CORO2B: variants seen among roughly 807,000 people sequenced by gnomAD.
The protein encoded by CORO2B is coronin-2B.
A neutral mutation model predicts 58.8 loss-of-function variants in CORO2B; 26 were observed. The observed-to-expected ratio is 0.44, with a 90% CI of 0.32 to 0.61. The LOEUF (loss-of-function observed/expected upper bound fraction) is 0.61, where lower values mean the gene tolerates loss of function less well. CORO2B is among the 20% of genes least tolerant of loss of function. The probability of loss-of-function intolerance (pLI) is 0.04; values close to 1 mark genes in which losing one functional copy is unlikely to be tolerated. For synonymous variants in CORO2B, 242 were observed against 253.8 expected (o/e 0.95, Z 0.44); for missense variants, 460 against 645.1 (o/e 0.71, Z 3.11).
At chr15:68,679,054 C>G (rs1269784353) in intron 2 of CORO2B, among the ~76,000 whole-genome samples, 2 of 152,236 alleles carry the variant, frequency 1.3e-5, no homozygotes, top group Non-Finnish European at 1.5e-5. Flanking sequence ...ATATCACCTG[C>G]TTCTCACTCG....
At chr15:68,690,737 C>T (rs557321981) in intron 2 of CORO2B, among the ~76,000 whole-genome samples, 1 of 149,528 alleles carries the variant, frequency 6.7e-6, no homozygotes, top group Non-Finnish European at 1.5e-5. Context: ...GCAGCCTAGG[C>T]CTCCTGGGCT....
intron 2 of CORO2B, among the ~76,000 whole-genome samples, chr15:68,677,708 A>C (rs577531661): frequency 7.0e-4 from 106 of 152,266 alleles, no homozygotes; most frequent in African/African-American, 2.5e-3. Context: ...GCCCCTGTCC[A>C]TTCTGCAGAT....
the CORO2B span, among the ~76,000 whole-genome samples, chr15:68,563,070 A>G: frequency 2.0e-5 from 3 of 152,104 alleles, no homozygotes; most frequent in Non-Finnish European, 4.4e-5. Flanking sequence ...GGAAATATAA[A>G]GCTATAAATT....
chr15:68,597,787 C>T (rs908352610), intron 1 of CORO2B, among the ~76,000 whole-genome samples: 2 of 152,208 alleles, frequency 1.3e-5, no homozygotes, highest in African/African-American at 4.8e-5. Flanking sequence ...CCTTGTCCCT[C>T]TCCCAGTGGC....
Position 68,579,216 on chromosome 15 carries a change from C to T in CORO2B, c.-47C>T, listed in dbSNP as rs1566976612. 1 of 1,054,558 alleles carries T rather than the reference C, an allele frequency of 9.5e-7. No individual in the cohort carries two copies. Among genetic ancestry groups the T allele is most frequent in the East Asian group, 7.2e-5 (1 of 13,976 alleles). The allele number at this position is 1,054,558 out of a possible 1,614,324, so 65.3% of individuals were successfully genotyped here. On this transcript the variant is annotated 5_prime_UTR_variant, in exon 1 of 12. Transcript: ENST00000261861. ...CCGCCGCCCCGGGCCGCCGCCGCCG[C>T]CCCCGCACGCCGCGCCCGCGCCCCC... is the stretch of plus-strand genomic sequence containing the variant.
chr15:68,683,578 C>A (rs1902864768), intron 2 of CORO2B, among the ~76,000 whole-genome samples: 1 of 152,194 alleles, frequency 6.6e-6, no homozygotes, highest in African/African-American at 2.4e-5. Flanking sequence ...CCTCCCCCCA[C>A]TGTAGGATAT....
the CORO2B span, among the ~76,000 whole-genome samples, chr15:68,524,226 A>G: frequency 2.0e-5 from 3 of 152,200 alleles, no homozygotes; most frequent in Non-Finnish European, 4.4e-5. Flanking sequence ...TCTCAAAAAA[A>G]AAGAAAAGAA....
At chr15:68,551,890 C>T in the CORO2B span, among the ~76,000 whole-genome samples, 1 of 151,926 alleles carries the variant, frequency 6.6e-6, no homozygotes, top group Non-Finnish European at 1.5e-5. Flanking sequence ...GAAGTGAGGC[C>T]CAGAACCGAT....
At chr15:68,580,992 C>G (rs990304391) in intron 1 of CORO2B, among the ~76,000 whole-genome samples, 1 of 152,128 alleles carries the variant, frequency 6.6e-6, no homozygotes, top group African/African-American at 2.4e-5. Flanking sequence ...GGGGTTTGCC[C>G]TCAAGTCTGT....
chr15:68,518,746 C>A, the CORO2B span, among the ~76,000 whole-genome samples: 175 of 152,178 alleles, frequency 1.1e-3, no homozygotes, highest in Admixed American at 2.7e-3. Flanking sequence ...CTCCCTTGCT[C>A]CTTTCTGATG....
intron 1 of CORO2B, chr15:68,632,132 C>T (rs985649066): frequency 2.6e-5 from 26 of 985,404 alleles, no homozygotes; most frequent in Middle Eastern, 5.2e-4. Flanking sequence ...ACTGCTGCAG[C>T]GGGGTCTCTG....
chr15:68,539,968 G>T, the CORO2B span, among the ~76,000 whole-genome samples: 1 of 152,164 alleles, frequency 6.6e-6, no homozygotes, highest in African/African-American at 2.4e-5. Flanking sequence ...CAAGCGTGCA[G>T]TTGAAAAAGG....
chr15:68,720,585 G>A (rs532904324), intron 11 of CORO2B, among the ~76,000 whole-genome samples: 1 of 152,272 alleles, frequency 6.6e-6, no homozygotes, highest in Non-Finnish European at 1.5e-5. Context: ...TGTCCTCAGG[G>A]GCTATTGGAG....
the CORO2B span, among the ~76,000 whole-genome samples, chr15:68,544,165 C>A: frequency 1.3e-5 from 2 of 152,190 alleles, no homozygotes; most frequent in African/African-American, 4.8e-5. Context: ...ACTGTGGATC[C>A]ACATCTGGCC....
intron 1 of CORO2B, among the ~76,000 whole-genome samples, chr15:68,600,172 T>A (rs1899945959): frequency 5.3e-5 from 8 of 152,232 alleles, no homozygotes; most frequent in Admixed American, 2.0e-4. Flanking sequence ...AGCCTCCATC[T>A]AAAAACCACA....
chr15:68,725,482 G>A (rs568765202), intron 11 of CORO2B, among the ~76,000 whole-genome samples: 24 of 151,904 alleles, frequency 1.6e-4, no homozygotes, highest in Middle Eastern at 6.9e-3. Flanking sequence ...TATTATAGAT[G>A]TAATAATACA....
At chr15:68,580,845 C>T (rs563044164) in intron 1 of CORO2B, among the ~76,000 whole-genome samples, 3 of 152,166 alleles carry the variant, frequency 2.0e-5, no homozygotes, top group African/African-American at 7.2e-5. Flanking sequence ...TCTTTTTGTG[C>T]GCGAGCTCAT....
chr15:68,546,407 G>A, the CORO2B span, among the ~76,000 whole-genome samples: 1 of 152,188 alleles, frequency 6.6e-6, no homozygotes, highest in Non-Finnish European at 1.5e-5. Context: ...GCTACCGCAA[G>A]GGATTCCAAG....
Position 68,715,271 on chromosome 15 carries a change from C to T in CORO2B, c.927C>T (p.Tyr309=). ...EISTEKPYLS[Y]LMEFRSPAPQ... ...GCACTGAGAAGCCCTACCTGAGTTA[C>T]CTCATGGAGTTCCGCTCCCCAGCCC... The change falls in exon 8 of 12, where the codon TAC becomes TAT. Residue 309 remains tyrosine, a synonymous_variant. Coordinates refer to ENST00000261861, the MANE Select transcript of CORO2B (RefSeq NM_006091.5). 6.2e-7 allele frequency: 1 copy of T among 1,614,092 alleles called. No homozygotes were observed.
Sources: gnomAD v4.1 joint callset for allele counts (sites outside exome capture counted in the v4.1 genomes callset) on GRCh38, gnomAD v4.1.1 for gene constraint, MANE v1.5 for transcripts, NCBI Gene and HGNC (gene_info 2026-07-23, HGNC 2026-07-21) for gene names.